The following GRIN2B variants were observed in gnomAD, a reference collection of about 807,000 sequenced individuals.
GRIN2B encodes the protein glutamate ionotropic receptor NMDA type subunit 2B.
In GRIN2B, 5 loss-of-function variants were observed where a neutral mutation model predicts 114.5. The ratio of observed to expected loss-of-function variants is 0.04; its 90% confidence interval spans 0.02 to 0.09. GRIN2B has a LOEUF of 0.09. Ranked by LOEUF, GRIN2B falls within the 10% of genes least tolerant of loss-of-function variation. GRIN2B has a pLI of 1.00. For missense variants in GRIN2B, 1,108 were observed against 1,943.5 expected, an observed-to-expected ratio of 0.57 and a Z score of 8.08; for synonymous variants, 787 against 745.1, an observed-to-expected ratio of 1.06 and a Z score of -0.92.
At chr12:13,979,195 CAGGAAA>C in intron 2 of GRIN2B, among the ~76,000 whole-genome samples, 1 of 152,098 alleles carries the variant, frequency 6.6e-6, no homozygotes, top group African/African-American at 2.4e-5. Context: ...AATAATAGCA[CAGGAAA>C]AAATACAAAT....
intron 5 of GRIN2B, chr12:13,634,108 T>A (rs1343160428): frequency 6.6e-6 from 1 of 152,222 alleles, no homozygotes. Flanking sequence ...ATGTTCCTAC[T>A]CATGTTCCAG....
chr12:13,608,161 C>T (rs556837336), intron 10 of GRIN2B, among the ~76,000 whole-genome samples: 15 of 152,310 alleles, frequency 9.8e-5, no homozygotes, highest in Admixed American at 7.2e-4. Flanking sequence ...CCCAGAAACA[C>T]GAGTGTGCAC....
intron 2 of GRIN2B, among the ~76,000 whole-genome samples, chr12:13,945,323 A>T (rs1221723150): frequency 2.6e-5 from 4 of 152,118 alleles, no homozygotes; most frequent in Admixed American, 6.6e-5. Flanking sequence ...CATTTTTATG[A>T]GGTGTTACAA....
intron 5 of GRIN2B, among the ~76,000 whole-genome samples, chr12:13,654,484 T>C (rs1440780199): frequency 6.6e-6 from 1 of 152,168 alleles, no homozygotes; most frequent in Non-Finnish European, 1.5e-5. Flanking sequence ...TTGCTGACTC[T>C]GATGGTCTCT....
chr12:13,809,300 G>T (rs1435176059), intron 3 of GRIN2B, among the ~76,000 whole-genome samples: 1 of 152,156 alleles, frequency 6.6e-6, no homozygotes, highest in Non-Finnish European at 1.5e-5. Flanking sequence ...GTGGTAGGAA[G>T]ACCAGGAGGT....
At chr12:13,976,843 G>T (rs1863029293) in intron 2 of GRIN2B, among the ~76,000 whole-genome samples, 1 of 152,096 alleles carries the variant, frequency 6.6e-6, no homozygotes, top group African/African-American at 2.4e-5. Flanking sequence ...GTTTTACAAG[G>T]TAATATTGTG....
At chr12:13,942,005 T>C (rs767489745) in intron 2 of GRIN2B, among the ~76,000 whole-genome samples, 1 of 152,238 alleles carries the variant, frequency 6.6e-6, no homozygotes, top group African/African-American at 2.4e-5. Context: ...TTCAAGTTTG[T>C]GTGCCCCATA....
At chr12:13,924,908 A>G (rs1866889168) in intron 2 of GRIN2B, among the ~76,000 whole-genome samples, 1 of 152,004 alleles carries the variant, frequency 6.6e-6, no homozygotes, top group African/African-American at 2.4e-5. Flanking sequence ...GTATTTTCCT[A>G]TTTCCCACTA....
intron 3 of GRIN2B, among the ~76,000 whole-genome samples, chr12:13,764,183 CAAA>C (rs111977459): frequency 2.8e-5 from 3 of 106,438 alleles, no homozygotes; most frequent in Admixed American, 1.0e-4. Flanking sequence ...ATATCCATAC[CAAA>C]AAAAAAAAAA....
intron 9 of GRIN2B, among the ~76,000 whole-genome samples, chr12:13,609,269 A>AATT (rs1949328886): frequency 6.6e-6 from 1 of 152,190 alleles, no homozygotes; most frequent in African/African-American, 2.4e-5. Context: ...ACTTCCAAAA[A>AATT]CATCAGCAAG....
At chr12:13,701,501 G>C (rs1280316358) in intron 4 of GRIN2B, among the ~76,000 whole-genome samples, 2 of 132,904 alleles carry the variant, frequency 1.5e-5, no homozygotes, top group Non-Finnish European at 3.1e-5. Flanking sequence ...AAGCACTAGG[G>C]ATTCAGTGGC....
chr12:13,945,148 A>C (rs1867339577), intron 2 of GRIN2B, among the ~76,000 whole-genome samples: 2 of 152,190 alleles, frequency 1.3e-5, no homozygotes, highest in South Asian at 2.1e-4. Context: ...TTCAGGGTCT[A>C]AACAAATTGT....
chr12:13,822,969 C>T (rs1424054969), intron 3 of GRIN2B, among the ~76,000 whole-genome samples: 2 of 152,016 alleles, frequency 1.3e-5, no homozygotes, highest in African/African-American at 4.8e-5. Flanking sequence ...ATTACTCTGG[C>T]ATTTTTATTG....
intron 2 of GRIN2B, among the ~76,000 whole-genome samples, chr12:13,960,492 G>T (rs1327399165): frequency 6.6e-6 from 1 of 152,182 alleles, no homozygotes; most frequent in Non-Finnish European, 1.5e-5. Flanking sequence ...GGATTCATAT[G>T]CAAAAGCACT....
chr12:13,952,101 G>A (rs926638020), intron 2 of GRIN2B, among the ~76,000 whole-genome samples: 2 of 152,032 alleles, frequency 1.3e-5, no homozygotes, highest in South Asian at 2.1e-4. Context: ...AGAAGTCAAC[G>A]TGTATATGGT....
Position 13,552,357 on chromosome 12 carries a change from G to A in GRIN2B, c.*10426C>T, listed in dbSNP as rs1003412070. The A allele has an allele frequency of 3.3e-5, 5 of 152,190 alleles. No homozygotes were observed. The highest frequency in any genetic ancestry group is 2.1e-4 in the South Asian group (1 of 4,816). The allele number at this position is 152,190 out of a possible 1,614,324, so 9.4% of individuals were successfully genotyped here. ...GCTCTTTCAAGTTTCCCTACTTTCC[G>A]AAGCTATCATTGAAGCCAGTAACCA... is the stretch of plus-strand genomic sequence containing the variant. On this transcript the variant is annotated 3_prime_UTR_variant, in exon 14 of 14. Coordinates refer to ENST00000609686, the MANE Select transcript of GRIN2B (RefSeq NM_000834.5).
chr12:13,849,974 G>GGT (rs1213095467), intron 3 of GRIN2B, among the ~76,000 whole-genome samples: 2 of 152,172 alleles, frequency 1.3e-5, no homozygotes, highest in Non-Finnish European at 2.9e-5. Context: ...CCCTCTTGCA[G>GGT]ATAAGCAAGC....
intron 4 of GRIN2B, among the ~76,000 whole-genome samples, chr12:13,731,539 T>C (rs1295353120): frequency 6.6e-6 from 1 of 152,148 alleles, no homozygotes; most frequent in Non-Finnish European, 1.5e-5. Context: ...AGGTGGAGCT[T>C]GCAGTGAGCC....
intron 3 of GRIN2B, among the ~76,000 whole-genome samples, chr12:13,813,846 G>A (rs1864774682): frequency 6.6e-6 from 1 of 152,194 alleles, no homozygotes; most frequent in Non-Finnish European, 1.5e-5. Context: ...CCCGTCTTGA[G>A]TTGCTTTCTT....
Sources: gnomAD v4.1 joint callset for allele counts (sites outside exome capture counted in the v4.1 genomes callset) on GRCh38, gnomAD v4.1.1 for gene constraint, MANE v1.5 for transcripts, NCBI Gene and HGNC (gene_info 2026-07-23, HGNC 2026-07-21) for gene names.